MYO15B: variants seen among roughly 807,000 people sequenced by gnomAD.
MYO15B encodes myosin XVB pseudogene.
In MYO15B, 207 loss-of-function variants were observed where a neutral mutation model predicts 119.3. The ratio of observed to expected loss-of-function variants is 1.73; its 90% CI spans 1.55 to 1.95. MYO15B has a LOEUF of 1.95. Ranked by LOEUF, MYO15B falls within the 30% of genes most tolerant of loss-of-function variation. The pLI, the probability that MYO15B is intolerant of heterozygous loss-of-function variation, is 0.00. For missense variants in MYO15B, 2,264 were observed against 1,203.1 expected (o/e 1.88, Z -13.04); for synonymous variants, 966 against 498.9 (o/e 1.94, Z -12.48).
chr17:75,619,063 TC>T, intron 43 of MYO15B, 79 bp from the exon 44 acceptor site: 1 of 697,786 alleles, frequency 1.4e-6, no homozygotes. Flanking sequence ...CCTCAGGTTT[TC>T]CTTCATGCAT....
chr17:75,622,174 C>G (rs2058747592), intron 53 of MYO15B, 94 bp downstream of exon 53: 1 of 680,490 alleles, frequency 1.5e-6, no homozygotes, highest in African/African-American at 1.8e-5. Context: ...TCCTTCAAAT[C>G]ATTCCAAAGT....
At chr17:75,598,762 T>G (rs1334472109) in intron 14 of MYO15B, among the ~76,000 whole-genome samples, 1 of 152,184 alleles carries the variant, frequency 6.6e-6, no homozygotes, top group Non-Finnish European at 1.5e-5. Context: ...TTCTAAACGA[T>G]TGTTTCTCCC....
chr17:75,594,522 C>T (rs1472914259), exon 10 of MYO15B: 7 of 624,714 alleles, frequency 1.1e-5, no homozygotes, highest in Non-Finnish European at 2.0e-5. Flanking sequence ...CTGAGATCCA[C>T]ACAGCAGCCC....
exon 51 of MYO15B, chr17:75,621,351 C>A: frequency 1.4e-6 from 1 of 700,884 alleles, no homozygotes; most frequent in Non-Finnish European, 2.6e-6. Context: ...ACAGGCTGGG[C>A]CAGACTGATG....
rs773294354 is a variant in MYO15B, at chr17:75,619,874, C to A, written c.7302-5C>A. The A allele has an allele frequency of 1.4e-6, 1 of 702,208 alleles. No homozygotes were observed. The highest frequency in any genetic ancestry group is 1.5e-5 in the South Asian group (1 of 67,540). 43.5% of individuals were successfully genotyped at this position (702,208 alleles called of 1,614,324 possible). On this transcript the variant is annotated splice_polypyrimidine_tract_variant and splice_region_variant and intron_variant, in intron 46 of 63. Coordinates refer to ENST00000645453, the Ensembl canonical transcript of MYO15B. ...GACCTCAGTTCATGCCCGATCCCTG[C>A]GCAGCTTTGCGGAGGTGCTGGGTGT...
intron 9 of MYO15B, chr17:75,593,050 G>A: frequency 3.8e-6 from 2 of 527,370 alleles, no homozygotes; most frequent in South Asian, 2.7e-5. Flanking sequence ...CCACCCCTAA[G>A]AACATCTGGC....
chr17:75,615,741 A>T, exon 36 of MYO15B: 1 of 700,316 alleles, frequency 1.4e-6, no homozygotes, highest in Non-Finnish European at 2.6e-6. Flanking sequence ...GGAGCAGCAG[A>T]TGCAGCAGCG....
At chr17:75,620,147 T>G (rs2058622532) in intron 47 of MYO15B, 99 bp from the exon 48 acceptor site, 1 of 690,730 alleles carries the variant, frequency 1.4e-6, no homozygotes, top group African/African-American at 1.8e-5. Context: ...TCTGGGGTGC[T>G]AGGTGGAGGG....
chr17:75,617,071 C>G lies in MYO15B; in HGVS notation c.6595-14C>G. The G allele has an allele frequency of 1.5e-6, 1 of 684,316 alleles. No individual in the cohort carries two copies. The highest frequency in any genetic ancestry group is 1.8e-5 in the African/African-American group (1 of 56,946). The allele number at this position is 684,316 out of a possible 1,614,324, so 42.4% of individuals were successfully genotyped here. On this transcript the variant is annotated splice_polypyrimidine_tract_variant and intron_variant, in intron 40 of 63. Transcript: ENST00000645453. ...CTGTGACTCAGCCCGTGTACTTTCT[C>G]CGTATCCCCCCAGATGCTGTCCCCC... is the stretch of plus-strand genomic sequence containing the variant.
At chr17:75,615,186 G>A in intron 33 of MYO15B, 54 bp from the exon 34 acceptor site, 1 of 687,304 alleles carries the variant, frequency 1.5e-6, no homozygotes, top group South Asian at 1.5e-5. Context: ...GGGGCTGGAG[G>A]GAGGTGGCAT....
chr17:75,614,599 C>G, exon 31 of MYO15B: 1 of 701,188 alleles, frequency 1.4e-6, no homozygotes, highest in Non-Finnish European at 2.6e-6. Flanking sequence ...GGCCATTCCC[C>G]TTGCCCCTGG....
intron 5 of MYO15B, 55 bp downstream of exon 5, chr17:75,591,767 C>T: frequency 4.3e-6 from 3 of 702,306 alleles, no homozygotes; most frequent in Non-Finnish European, 7.8e-6. Flanking sequence ...TGTCTTCCTC[C>T]AGGGGACAGC....
chr17:75,599,368 G>T (rs557558453), intron 14 of MYO15B, among the ~76,000 whole-genome samples: 1 of 152,092 alleles, frequency 6.6e-6, no homozygotes, highest in South Asian at 2.1e-4. Flanking sequence ...TCCGCCTCGC[G>T]GGTTGACGCC....
chr17:75,598,277 AAAG>A (rs2057001674), intron 14 of MYO15B, among the ~76,000 whole-genome samples: 2 of 151,002 alleles, frequency 1.3e-5, no homozygotes, highest in African/African-American at 4.9e-5. Flanking sequence ...AAAAAAAAGA[AAAG>A]AAAAGAAAAG....
Position 75,620,037 on chromosome 17 carries a change from G to T in MYO15B, c.7443+17G>T. 1 of 694,816 alleles carries T rather than the reference G, an allele frequency of 1.4e-6. No individual in the cohort carries two copies. 43.0% of individuals were successfully genotyped at this position (694,816 alleles called of 1,614,324 possible). ...CTTAAGAAGGTAAGTGTGGGGCACG[G>T]GTTGAGAGGCCGGGCAGACAGCCCT... On this transcript the variant is annotated intron_variant, in intron 47 of 63. Coordinates refer to ENST00000645453, the Ensembl canonical transcript of MYO15B.
In MYO15B at chr17:75,617,897, C is replaced by T. The variant is rs1473616256; in HGVS notation, c.6902C>T (p.Pro2301Leu). The change falls in exon 42 of 64, where the codon CCC becomes CTC. Residue 2301 changes from proline to leucine, a missense_variant. Physicochemically the swap from Pro to Leu is moderately conservative, Grantham distance 98 (BLOSUM62 -3). Coordinates refer to ENST00000645453, the Ensembl canonical transcript of MYO15B. Reference sequence around the variant, plus strand: ...GTGTGCTTCTCCTACACCGGCACGCCCTGGAAGTTGTTCCTACGCAAGGAG... The same window carrying T: ...GTGTGCTTCTCCTACACCGGCACGCTCTGGAAGTTGTTCCTACGCAAGGAG... 8.5e-6 allele frequency: 6 copies of T among 702,920 alleles called. No homozygotes were observed. The East Asian group carries it at 1.3e-4, about 16-fold the overall frequency. 43.5% of individuals were successfully genotyped at this position (702,920 alleles called of 1,614,324 possible). A position where few individuals can be genotyped will look rare whatever the true frequency, so the allele number is the denominator to read the frequency against.
intron 59 of MYO15B, 39 bp downstream of exon 59, chr17:75,624,955 G>C: frequency 2.9e-6 from 2 of 697,288 alleles, no homozygotes; most frequent in Non-Finnish European, 5.3e-6. Flanking sequence ...TGCAGTTTGA[G>C]GGCGCGGCTT....
exon 2 of MYO15B, chr17:75,590,659 C>G: frequency 5.2e-6 from 1 of 192,978 alleles, no homozygotes; most frequent in Non-Finnish European, 1.0e-5. Flanking sequence ...TGCTGTGCCT[C>G]AAGAAGAGAT....
chr17:75,625,625 G>A (rs765860063), exon 61 of MYO15B: 12 of 702,958 alleles, frequency 1.7e-5, no homozygotes, highest in East Asian at 8.0e-5. Flanking sequence ...CGGCTGGAAG[G>A]ACACAGCCCC....
Sources: allele counts gnomAD v4.1 joint callset (sites outside exome capture counted in the v4.1 genomes callset), GRCh38; gene constraint gnomAD v4.1.1; transcripts MANE v1.5; gene names NCBI Gene and HGNC (gene_info 2026-07-23, HGNC 2026-07-21).